QSER1: variants seen among roughly 807,000 people sequenced by gnomAD.
QSER1 encodes the protein glutamine and serine-rich protein 1.
QSER1 carries 49 observed loss-of-function variants against 158.5 expected under a neutral mutation model. The ratio of observed to expected loss-of-function variants is 0.31; its 90% CI spans 0.25 to 0.39. QSER1 has a LOEUF of 0.39. Among genes scored for constraint, QSER1 ranks in the 10% least tolerant of loss-of-function variants. The probability of loss-of-function intolerance (pLI) is 1.00; values close to 1 mark genes in which losing one functional copy is unlikely to be tolerated. For missense variants in QSER1, 1,754 were observed against 2,010.3 expected (o/e 0.87, Z 2.44); for synonymous variants, 650 against 715.5 (o/e 0.91, Z 1.46).
intron 8 of QSER1, among the ~76,000 whole-genome samples, chr11:32,964,530 C>G (rs568141943): frequency 2.8e-4 from 42 of 151,816 alleles, no homozygotes; most frequent in Non-Finnish European, 1.5e-4. Flanking sequence ...TGGGGTCCCC[C>G]CTGGGGTACA....
chr11:32,969,127 T>C lies in QSER1; in HGVS notation c.5189T>C (p.Leu1730Ser). 1 of 1,589,266 alleles carries C rather than the reference T, an allele frequency of 6.3e-7. No homozygotes were observed. Among genetic ancestry groups the C allele is most frequent in the South Asian group, 1.1e-5 (1 of 87,012 alleles). The part of the protein sequence containing the change: ...NRKRLLLNLH[L>S]DQSFKNALES... ...AAGAGACTTCTTTTGAATCTTCATT[T>C]GGATCAATCATTCAAGGTATTTCCT... The change falls in exon 10 of 13, where the codon TTG becomes TCG. Residue 1730 changes from leucine (L) to serine (S), a missense_variant. By Grantham distance (145) the Leu-to-Ser change is moderately radical (BLOSUM62 -2). Coordinates refer to ENST00000650167, the MANE Select transcript of QSER1 (RefSeq NM_001076786.3).
intron 1 of QSER1, among the ~76,000 whole-genome samples, chr11:32,904,690 G>A (rs1054467455): frequency 6.7e-6 from 1 of 150,332 alleles, no homozygotes; most frequent in African/African-American, 2.5e-5. Flanking sequence ...ATGGTGTTAG[G>A]AATGCTCTTA....
chr11:32,926,426 A>G (rs1442548190), intron 1 of QSER1, among the ~76,000 whole-genome samples: 1 of 152,134 alleles, frequency 6.6e-6, no homozygotes, highest in Non-Finnish European at 1.5e-5. Context: ...GTTATTTTCA[A>G]GTTGTTTAGC....
intron 8 of QSER1, among the ~76,000 whole-genome samples, chr11:32,965,012 C>G (rs900565565): frequency 3.3e-5 from 5 of 151,916 alleles, no homozygotes; most frequent in Non-Finnish European, 7.4e-5. Context: ...AGGTGTGCAC[C>G]ACTGCACCCA....
chr11:32,935,156 C>T lies in QSER1; in HGVS notation c.3898C>T (p.Arg1300Ter), dbSNP rs1433022975. The T allele has an allele frequency of 6.2e-7, 1 of 1,614,044 alleles. No individual in the cohort carries two copies. The highest frequency in any genetic ancestry group is 8.5e-7 in the Non-Finnish European group (1 of 1,179,978). The change falls in exon 4 of 13, where the codon CGA (arginine) becomes TGA (stop). Residue 1300 changes from arginine (R) to a stop codon, truncating the protein, a stop_gained. Transcript: ENST00000650167. LOFTEE classifies it high-confidence loss of function. ...PKQQFSTLAVRMPNRTRRPGT... is the reference protein window; with the variant it reads ...PKQQFSTLAV ...GCAGCAGTTTTCCACTCTTGCTGTA[C>T]GAATGCCTAACAGGACTAGACGGCC... is the stretch of plus-strand genomic sequence containing the variant.
chr11:32,930,936 CATCT>C (rs1324791374), intron 3 of QSER1, among the ~76,000 whole-genome samples: 1 of 152,150 alleles, frequency 6.6e-6, no homozygotes, highest in African/African-American at 2.4e-5. Flanking sequence ...GATAAACATG[CATCT>C]ATTATGATTG....
At chr11:32,973,820 T>C (rs1852918174) in intron 11 of QSER1, among the ~76,000 whole-genome samples, 2 of 152,190 alleles carry the variant, frequency 1.3e-5, no homozygotes, top group South Asian at 4.1e-4. Context: ...GTTTATATAT[T>C]TGTAGGTAGT....
chr11:32,944,246 T>C (rs924159213), intron 4 of QSER1, among the ~76,000 whole-genome samples: 2 of 148,772 alleles, frequency 1.3e-5, no homozygotes, highest in Non-Finnish European at 3.0e-5. Context: ...TCAGTTCTGC[T>C]CTGATTTTAG....
rs539734735 is a variant in QSER1, at chr11:32,900,969, A to G, written c.209+7635A>G. On this transcript the variant is annotated intron_variant, in intron 1 of 12. Coordinates refer to ENST00000650167, the MANE Select transcript of QSER1 (RefSeq NM_001076786.3). ...TATCGTTTATTACCACCCTTTCCCG[A>G]TACCACTAACCATCACTGATAGAAT... Among the ~76,000 whole-genome samples the G allele has an allele frequency of 5.9e-5, 9 of 152,290 alleles. No homozygotes were observed. In the South Asian group the frequency reaches 1.9e-3, roughly 32 times the overall value.
At chr11:32,919,942 C>A (rs1301214660) in intron 1 of QSER1, among the ~76,000 whole-genome samples, 5 of 152,090 alleles carry the variant, frequency 3.3e-5, no homozygotes, top group Non-Finnish European at 7.4e-5. Flanking sequence ...AATGTCTTTT[C>A]TTTTTTTCTC....
rs1246766101 is a variant in QSER1 at position 32,892,969 on chromosome 11, C to G, written c.-157C>G. ...TGCGGCCCAGACTCGCCAGCGCGCC[C>G]TTCTCCCGCCTGCTCGCCGGGGCCA... On this transcript the variant is annotated 5_prime_UTR_variant, in exon 1 of 13. Transcript: ENST00000650167. Among the ~76,000 whole-genome samples the G allele has an allele frequency of 6.8e-6, 1 of 147,546 alleles. No homozygotes were observed. The highest frequency in any genetic ancestry group is 1.5e-5 in the Non-Finnish European group (1 of 66,304).
chr11:32,910,148 GC>G (rs1851748192), intron 1 of QSER1, among the ~76,000 whole-genome samples: 2 of 152,184 alleles, frequency 1.3e-5, no homozygotes, highest in African/African-American at 4.8e-5. Flanking sequence ...CCCACTTCAG[GC>G]CTTTTCCTAA....
At chr11:32,917,060 T>C (rs530719385) in intron 1 of QSER1, among the ~76,000 whole-genome samples, 2 of 152,350 alleles carry the variant, frequency 1.3e-5, no homozygotes, top group African/African-American at 4.8e-5. Context: ...GTGCTGGGAT[T>C]ACAGGTGTGA....
chr11:32,925,590 C>G (rs1221141903), intron 1 of QSER1, among the ~76,000 whole-genome samples: 1 of 151,674 alleles, frequency 6.6e-6, no homozygotes, highest in East Asian at 1.9e-4. Context: ...TGCAATGGTG[C>G]AATCTCAGCT....
In QSER1 at chr11:32,933,109, C is replaced by G; in HGVS notation, c.1851C>G (p.Ser617Arg). Residue 617 changes from serine (S) to arginine (R), a missense_variant, in exon 4 of 13, where the codon AGC becomes AGG. Coordinates refer to ENST00000650167, the MANE Select transcript of QSER1 (RefSeq NM_001076786.3). ...GGGCTCAGAATTTGCCAGACTCTAG[C>G]CCGACCCAGAATTATATTTCTATGC... ...ASRAQNLPDS[S>R]PTQNYISMHS... 6.2e-7 allele frequency: 1 copy of G among 1,613,736 alleles called. No homozygotes were observed. The highest frequency in any genetic ancestry group is 8.5e-7 in the Non-Finnish European group (1 of 1,179,930).
chr11:32,956,764 G>T (rs1157995508), intron 7 of QSER1, among the ~76,000 whole-genome samples: 1 of 152,166 alleles, frequency 6.6e-6, no homozygotes, highest in African/African-American at 2.4e-5. Context: ...CAAATCTTCA[G>T]ACCTGGAAGA....
intron 1 of QSER1, among the ~76,000 whole-genome samples, chr11:32,900,291 G>T (rs911552530): frequency 2.0e-5 from 3 of 152,174 alleles, no homozygotes; most frequent in African/African-American, 7.2e-5. Flanking sequence ...GTCAGGTGTG[G>T]TGACTCATAC....
At chr11:32,908,744 T>C (rs1485665233) in intron 1 of QSER1, among the ~76,000 whole-genome samples, 5 of 152,246 alleles carry the variant, frequency 3.3e-5, no homozygotes. Flanking sequence ...TGTAACACTT[T>C]GTATGAACAT....
chr11:32,973,350 G>A (rs1852906799), intron 10 of QSER1, 47 bp from the exon 11 acceptor site: 5 of 1,599,088 alleles, frequency 3.1e-6, no homozygotes, highest in Non-Finnish European at 4.3e-6. Context: ...AAGTAGTTTA[G>A]GTTAGTTTTC....
Sources: allele counts gnomAD v4.1 joint callset (sites outside exome capture counted in the v4.1 genomes callset), GRCh38; gene constraint gnomAD v4.1.1; transcripts MANE v1.5; gene names NCBI Gene and HGNC (gene_info 2026-07-23, HGNC 2026-07-21).